The following MTUS2 variants were observed in gnomAD, a reference collection of about 807,000 sequenced individuals.
MTUS2 encodes the protein microtubule associated scaffold protein 2, also known as microtubule-associated tumor suppressor candidate 2.
In MTUS2, 40 loss-of-function variants were observed where a neutral mutation model predicts 114.1. The ratio of observed to expected loss-of-function variants is 0.35; its 90% CI spans 0.27 to 0.46. The LOEUF (loss-of-function observed/expected upper bound fraction) is 0.46, where lower values mean the gene tolerates loss of function less well. Ranked by LOEUF, MTUS2 falls within the 20% of genes least tolerant of loss-of-function variation. MTUS2 has a pLI of 1.00. For synonymous variants in MTUS2, 688 were observed against 672.0 expected (o/e 1.02, Z -0.37); for missense variants, 1,679 against 1,705.4 (o/e 0.98, Z 0.27).
intron 2 of MTUS2, among the ~76,000 whole-genome samples, chr13:29,011,718 A>T (rs1885851743): frequency 6.6e-6 from 1 of 152,200 alleles, no homozygotes; most frequent in African/African-American, 2.4e-5. Context: ...TCTTCATTAC[A>T]AAGTCTAACT....
intron 2 of MTUS2, among the ~76,000 whole-genome samples, chr13:28,966,451 A>G (rs1883586032): frequency 1.3e-5 from 2 of 152,114 alleles, no homozygotes; most frequent in African/African-American, 4.8e-5. Flanking sequence ...GCTGGGTGCA[A>G]TGGGTCACAC....
chr13:28,969,440 C>A (rs1883749763), intron 2 of MTUS2, among the ~76,000 whole-genome samples: 1 of 152,000 alleles, frequency 6.6e-6, no homozygotes, highest in African/African-American at 2.4e-5. Flanking sequence ...TTATTTGAAA[C>A]CATGAAATAT....
At chr13:28,908,133 T>A (rs529157857) in intron 2 of MTUS2, among the ~76,000 whole-genome samples, 37 of 151,670 alleles carry the variant, frequency 2.4e-4, no homozygotes, top group Non-Finnish European at 5.2e-4. Flanking sequence ...TTTCAGCAAC[T>A]ATTTCTTTCT....
chr13:28,888,391 C>T (rs1359436475), intron 2 of MTUS2, among the ~76,000 whole-genome samples: 1 of 151,182 alleles, frequency 6.6e-6, no homozygotes, highest in African/African-American at 2.4e-5. Flanking sequence ...TGGAGAAGAC[C>T]CCATCTATCT....
intron 8 of MTUS2, among the ~76,000 whole-genome samples, chr13:29,426,457 T>A (rs566235339): frequency 6.6e-6 from 1 of 152,346 alleles, no homozygotes; most frequent in African/African-American, 2.4e-5. Flanking sequence ...AGTCTGTATA[T>A]TCGCATTGTA....
intron 1 of MTUS2, among the ~76,000 whole-genome samples, chr13:28,833,632 TAAAAC>T (rs752649426): frequency 2.0e-5 from 3 of 152,116 alleles, no homozygotes; most frequent in South Asian, 2.1e-4. Flanking sequence ...GTTTTCCTCT[TAAAAC>T]AAGGAACAGG....
chr13:29,330,990 G>C lies in MTUS2; in HGVS notation c.2905+6279G>C, dbSNP rs147491221. Among the ~76,000 whole-genome samples, 705 of 152,242 alleles carry C rather than the reference G, an allele frequency of 4.6e-3. 6 individuals are homozygous for C. The highest frequency in any genetic ancestry group is 0.016 in the African/African-American group (659 of 41,544). On this transcript the variant is annotated intron_variant, in intron 7 of 15. Coordinates refer to ENST00000612955, the MANE Select transcript of MTUS2 (RefSeq NM_001033602.4). The stretch of plus-strand genomic sequence containing the variant: ...ATGTGAAGAAAGTCAATGGTAGCTT[G>C]ATGGGGATAGCACTGAATCTATGAA...
intron 9 of MTUS2, among the ~76,000 whole-genome samples, chr13:29,454,622 G>A (rs945835989): frequency 6.6e-6 from 1 of 151,874 alleles, no homozygotes. Context: ...GCAAGGAAAC[G>A]CAGGAATCAG....
At chr13:29,224,946 G>T (rs1411854953) in intron 5 of MTUS2, among the ~76,000 whole-genome samples, 1 of 152,204 alleles carries the variant, frequency 6.6e-6, no homozygotes, top group African/African-American at 2.4e-5. Context: ...CACTGCACCA[G>T]GGTTTAGTGG....
intron 7 of MTUS2, among the ~76,000 whole-genome samples, chr13:29,332,934 C>T (rs1483837766): frequency 6.6e-6 from 1 of 152,108 alleles, no homozygotes; most frequent in African/African-American, 2.4e-5. Flanking sequence ...CGCGCCCGGC[C>T]TTCTCTAGTT....
At chr13:29,021,458 A>G (rs2138462580) in intron 2 of MTUS2, among the ~76,000 whole-genome samples, 1 of 152,300 alleles carries the variant, frequency 6.6e-6, no homozygotes, top group African/African-American at 2.4e-5. Context: ...TTTCTTTGTC[A>G]CTTTCTTGCA....
At chr13:28,898,264 G>A (rs184354320) in intron 2 of MTUS2, among the ~76,000 whole-genome samples, 12 of 152,294 alleles carry the variant, frequency 7.9e-5, no homozygotes, top group Non-Finnish European at 1.5e-5. Flanking sequence ...GCATGGCATG[G>A]TTTAAAGGCT....
intron 5 of MTUS2, among the ~76,000 whole-genome samples, chr13:29,233,540 G>T (rs778432285): frequency 6.6e-6 from 1 of 152,242 alleles, no homozygotes; most frequent in Non-Finnish European, 1.5e-5. Context: ...ATTACCACTG[G>T]TAGTTAACAG....
At chr13:29,345,528 T>G (rs986926062) in intron 7 of MTUS2, among the ~76,000 whole-genome samples, 15 of 151,846 alleles carry the variant, frequency 9.9e-5, no homozygotes, top group African/African-American at 3.4e-4. Context: ...TTTTATTTAT[T>G]TATGCTGTTT....
chr13:29,405,570 T>C (rs1874686883), intron 8 of MTUS2, among the ~76,000 whole-genome samples: 1 of 152,132 alleles, frequency 6.6e-6, no homozygotes, highest in Admixed American at 6.5e-5. Flanking sequence ...AGACTTGGCA[T>C]GTTTGGTAGT....
At chr13:29,398,345 C>G (rs1874064413) in intron 8 of MTUS2, among the ~76,000 whole-genome samples, 1 of 151,868 alleles carries the variant, frequency 6.6e-6, no homozygotes, top group South Asian at 2.1e-4. Flanking sequence ...TCTGTAATCC[C>G]AGCTACTTGG....
chr13:29,407,627 G>T (rs111244885), intron 8 of MTUS2, among the ~76,000 whole-genome samples: 1 of 151,946 alleles, frequency 6.6e-6, no homozygotes, highest in African/African-American at 2.4e-5. Flanking sequence ...ACAGGCACCC[G>T]CCACCACACC....
At chr13:28,995,511 AT>A (rs1593366075) in intron 2 of MTUS2, among the ~76,000 whole-genome samples, 1 of 152,060 alleles carries the variant, frequency 6.6e-6, no homozygotes, top group East Asian at 1.9e-4. Context: ...TTTTCACGAT[AT>A]TGATTCTTCC....
intron 7 of MTUS2, among the ~76,000 whole-genome samples, chr13:29,344,769 G>A (rs924230701): frequency 6.6e-6 from 1 of 152,060 alleles, no homozygotes; most frequent in Non-Finnish European, 1.5e-5. Context: ...TGAGATTTAT[G>A]CTTTAAGGTG....
Sources: gnomAD v4.1 joint callset for allele counts (sites outside exome capture counted in the v4.1 genomes callset) on GRCh38, gnomAD v4.1.1 for gene constraint, MANE v1.5 for transcripts, NCBI Gene and HGNC (gene_info 2026-07-23, HGNC 2026-07-21) for gene names.